Variants in TBC1D22A observed in about 807,000 individuals in gnomAD.
TBC1D22A encodes the protein putative GTPase activator.
A neutral mutation model predicts 60.2 loss-of-function variants in TBC1D22A; 38 were observed. The ratio of observed to expected loss-of-function variants is 0.63; its 90% CI spans 0.49 to 0.83. The LOEUF is 0.83. Ranked by LOEUF, TBC1D22A falls within the 40% of genes least tolerant of loss-of-function variation. The probability of loss-of-function intolerance (pLI) is 0.00; values close to 1 mark genes in which losing one functional copy is unlikely to be tolerated. For missense variants in TBC1D22A, 628 were observed against 701.0 expected, an observed-to-expected ratio of 0.90 and a Z score of 1.18; for synonymous variants, 302 against 281.7, an observed-to-expected ratio of 1.07 and a Z score of -0.72.
chr22:47,035,086 G>T lies in TBC1D22A; in HGVS notation c.1202-1985G>T, dbSNP rs556827983. Among the ~76,000 whole-genome samples the T allele has an allele frequency of 1.1e-3, 170 of 152,240 alleles. 1 individual carries two copies. Among genetic ancestry groups the T allele is most frequent in the Non-Finnish European group, 6.3e-4 (43 of 67,992 alleles). On this transcript the variant is annotated intron_variant, in intron 10 of 12. Coordinates refer to ENST00000337137, the MANE Select transcript of TBC1D22A (RefSeq NM_014346.5). Reference sequence around the variant, plus strand: ...ATCTGTGGCCGTGTGTGTAGTCTGCGCCAGACCTCTTCATAAAGCAAAAAG... The same window carrying T: ...ATCTGTGGCCGTGTGTGTAGTCTGCTCCAGACCTCTTCATAAAGCAAAAAG...
At chr22:46,936,336 C>T (rs921745775) in intron 8 of TBC1D22A, among the ~76,000 whole-genome samples, 3 of 152,088 alleles carry the variant, frequency 2.0e-5, no homozygotes, top group African/African-American at 4.8e-5. Context: ...TGCACGCCCT[C>T]GTCCTGGGGC....
intron 1 of TBC1D22A, among the ~76,000 whole-genome samples, chr22:46,766,652 C>T (rs2083296783): frequency 6.6e-6 from 1 of 152,232 alleles, no homozygotes; most frequent in South Asian, 2.1e-4. Context: ...CTTCCTGCCT[C>T]TGCTGCCAAA....
At chr22:46,987,283 A>C (rs1454249459) in intron 9 of TBC1D22A, among the ~76,000 whole-genome samples, 1 of 152,162 alleles carries the variant, frequency 6.6e-6, no homozygotes, top group Non-Finnish European at 1.5e-5. Context: ...CTGAAAGAGC[A>C]TGTGGGACAG....
At chr22:47,171,707 G>A (rs968631376) in intron 12 of TBC1D22A, among the ~76,000 whole-genome samples, 2 of 152,214 alleles carry the variant, frequency 1.3e-5, no homozygotes, top group Admixed American at 6.5e-5. Context: ...CTGTGGATGT[G>A]GGCGTGGTCA....
chr22:46,891,420 T>TG (rs758104429), intron 6 of TBC1D22A, 26 bp downstream of exon 6: 1 of 1,584,250 alleles, frequency 6.3e-7, no homozygotes, highest in African/African-American at 1.4e-5. Flanking sequence ...TTTTTTCGTA[T>TG]GTTGCCTGAT....
At chr22:47,080,334 G>C (rs2064412244) in intron 11 of TBC1D22A, among the ~76,000 whole-genome samples, 1 of 152,124 alleles carries the variant, frequency 6.6e-6, no homozygotes, top group South Asian at 2.1e-4. Flanking sequence ...AACATTCTTT[G>C]CAAGTACTCA....
chr22:47,147,902 C>T (rs1343952642), intron 12 of TBC1D22A, among the ~76,000 whole-genome samples: 1 of 152,178 alleles, frequency 6.6e-6, no homozygotes, highest in Non-Finnish European at 1.5e-5. Flanking sequence ...AAGTGGAGGC[C>T]ACTGAGGGCT....
At chr22:47,100,966 G>T (rs1347964396) in intron 11 of TBC1D22A, among the ~76,000 whole-genome samples, 1 of 152,142 alleles carries the variant, frequency 6.6e-6, no homozygotes, top group Non-Finnish European at 1.5e-5. Flanking sequence ...GAGCTTGCCA[G>T]GATCTGCTTA....
chr22:46,961,432 C>T (rs187290634), intron 8 of TBC1D22A, among the ~76,000 whole-genome samples: 3 of 152,292 alleles, frequency 2.0e-5, no homozygotes, highest in East Asian at 1.9e-4. Context: ...TTTGTATTCA[C>T]GTTACATTTA....
At chr22:46,970,616 C>T (rs1222257792) in intron 8 of TBC1D22A, among the ~76,000 whole-genome samples, 2 of 152,204 alleles carry the variant, frequency 1.3e-5, no homozygotes, top group Admixed American at 6.5e-5. Flanking sequence ...GCTCCCTTCT[C>T]GTTCTCCCTC....
At chr22:46,776,231 A>C (rs1166041841) in intron 1 of TBC1D22A, among the ~76,000 whole-genome samples, 1 of 152,236 alleles carries the variant, frequency 6.6e-6, no homozygotes, top group Non-Finnish European at 1.5e-5. Flanking sequence ...CCTTCTTGGC[A>C]CAGGGTGGCT....
In TBC1D22A at chr22:46,792,908, C is replaced by A. The variant is rs2084481622; in HGVS notation, c.119+332C>A. On this transcript the variant is annotated intron_variant, in intron 2 of 12. Transcript: ENST00000337137. ...TTGTCCTTTCCCCTCCTCCTTCCCG[C>A]ATTCTCCACCAGCTGCTGGAGCCCG... 68 of 1,389,200 alleles carry A rather than the reference C, an allele frequency of 4.9e-5. 2 individuals carry two copies. In the South Asian group the frequency reaches 9.7e-4, roughly 20 times the overall value. 86.1% of individuals were successfully genotyped at this position (1,389,200 alleles called of 1,614,324 possible).
intron 11 of TBC1D22A, among the ~76,000 whole-genome samples, chr22:47,108,600 T>C (rs2065727318): frequency 1.3e-5 from 2 of 152,248 alleles, no homozygotes; most frequent in African/African-American, 4.8e-5. Context: ...GAGCCATAGA[T>C]ATGTCCACTA....
chr22:46,895,408 C>G (rs1423112641), intron 7 of TBC1D22A, among the ~76,000 whole-genome samples: 1 of 152,146 alleles, frequency 6.6e-6, no homozygotes, highest in African/African-American at 2.4e-5. Context: ...GAGTCTTGCT[C>G]TGTCGCCCAG....
At chr22:46,827,824 A>C (rs1372331723) in intron 4 of TBC1D22A, among the ~76,000 whole-genome samples, 4 of 152,194 alleles carry the variant, frequency 2.6e-5, no homozygotes, top group African/African-American at 9.6e-5. Context: ...CGGGCAGTGA[A>C]GACTTCATCT....
intron 12 of TBC1D22A, among the ~76,000 whole-genome samples, chr22:47,153,184 G>T (rs1214090011): frequency 1.3e-5 from 2 of 152,140 alleles, no homozygotes; most frequent in Non-Finnish European, 2.9e-5. Flanking sequence ...AGGATAAAAG[G>T]CACCTTTCCC....
intron 7 of TBC1D22A, among the ~76,000 whole-genome samples, chr22:46,911,829 G>A (rs145207557): frequency 0.011 from 1,675 of 152,010 alleles, 39 homozygotes; most frequent in African/African-American, 0.038. Context: ...TGAGGTGGGA[G>A]GATTGCTTGA....
intron 4 of TBC1D22A, among the ~76,000 whole-genome samples, chr22:46,801,604 G>C (rs1191250555): frequency 2.6e-5 from 4 of 152,266 alleles, no homozygotes; most frequent in Non-Finnish European, 5.9e-5. Flanking sequence ...CTGGTGAATG[G>C]TAGTGCGATT....
At chr22:46,896,612 C>A (rs767166212) in intron 7 of TBC1D22A, among the ~76,000 whole-genome samples, 2 of 152,130 alleles carry the variant, frequency 1.3e-5, no homozygotes, top group Non-Finnish European at 2.9e-5. Context: ...TTTGTTATGT[C>A]ACTCCTGTTT....
Sources: allele counts gnomAD v4.1 joint callset (sites outside exome capture counted in the v4.1 genomes callset), GRCh38; gene constraint gnomAD v4.1.1; transcripts MANE v1.5; gene names NCBI Gene and HGNC (gene_info 2026-07-23, HGNC 2026-07-21).